Variants in GALNT10 observed in about 807,000 individuals in gnomAD.
GALNT10 encodes the protein polypeptide N-acetylgalactosaminyltransferase 10, also known as GalNAc transferase 10.
A neutral mutation model predicts 75.0 loss-of-function variants in GALNT10; 41 were observed. The ratio of observed to expected loss-of-function variants is 0.55; its 90% confidence interval spans 0.43 to 0.71. GALNT10 has a LOEUF of 0.71. Ranked by LOEUF, GALNT10 falls within the 30% of genes least tolerant of loss-of-function variation. The probability of loss-of-function intolerance (pLI) is 0.00; values close to 1 mark genes in which losing one functional copy is unlikely to be tolerated. For synonymous variants in GALNT10, 302 were observed against 313.0 expected, an observed-to-expected ratio of 0.96 and a Z score of 0.37; for missense variants, 727 against 818.5, an observed-to-expected ratio of 0.89 and a Z score of 1.36.
chr5:154,262,725 C>A (rs1179464351), intron 1 of GALNT10, among the ~76,000 whole-genome samples: 1 of 152,170 alleles, frequency 6.6e-6, no homozygotes, highest in South Asian at 2.1e-4. Context: ...TCCCTGGAGG[C>A]TGCACCCTCA....
chr5:154,417,053 T>G lies in GALNT10; in HGVS notation c.*81T>G. ...TCTTTCAAGGGAGGCAGGGCCCCTG[T>G]GGGCACTAGGTGTAAAAGGTGCTGG... is the stretch of plus-strand genomic sequence containing the variant. On this transcript the variant is annotated 3_prime_UTR_variant, in exon 12 of 12. Coordinates refer to ENST00000297107, the MANE Select transcript of GALNT10 (RefSeq NM_198321.4). The G allele has an allele frequency of 7.6e-7, 1 of 1,314,210 alleles. No homozygotes were observed. Among genetic ancestry groups the G allele is most frequent in the Non-Finnish European group, 1.1e-6 (1 of 922,808 alleles). 81.4% of individuals were successfully genotyped at this position (1,314,210 alleles called of 1,614,324 possible). A position where few individuals can be genotyped will look rare whatever the true frequency, so the allele number is the denominator to read the frequency against.
intron 3 of GALNT10, among the ~76,000 whole-genome samples, chr5:154,323,472 G>A (rs1193305679): frequency 1.3e-5 from 2 of 152,192 alleles, no homozygotes; most frequent in East Asian, 1.9e-4. Flanking sequence ...TCCCTGGGAC[G>A]GAGTATCAGG....
intron 1 of GALNT10, among the ~76,000 whole-genome samples, chr5:154,235,672 T>G (rs1345460383): frequency 3.3e-5 from 5 of 152,220 alleles, no homozygotes; most frequent in Non-Finnish European, 7.3e-5. Flanking sequence ...ATTTAATCAC[T>G]TTGATCCTCA....
At chr5:154,251,723 C>A (rs958715365) in intron 1 of GALNT10, among the ~76,000 whole-genome samples, 20 of 152,008 alleles carry the variant, frequency 1.3e-4, no homozygotes, top group African/African-American at 4.3e-4. Flanking sequence ...TATTCCAGAT[C>A]CATCTGGCAC....
intron 10 of GALNT10, among the ~76,000 whole-genome samples, chr5:154,413,365 A>G (rs150652575): frequency 6.6e-6 from 1 of 152,310 alleles, no homozygotes; most frequent in East Asian, 1.9e-4. Flanking sequence ...CTTCCTATAT[A>G]GTAGCAGATG....
chr5:154,350,085 T>G (rs1267837539), intron 4 of GALNT10, among the ~76,000 whole-genome samples: 1 of 152,202 alleles, frequency 6.6e-6, no homozygotes, highest in Non-Finnish European at 1.5e-5. Context: ...TAGAGACAAG[T>G]GTGGAACACA....
intron 7 of GALNT10, among the ~76,000 whole-genome samples, chr5:154,397,607 G>A (rs1432944409): frequency 2.6e-5 from 4 of 152,190 alleles, no homozygotes; most frequent in African/African-American, 9.7e-5. Flanking sequence ...GCTACCCTAT[G>A]TGCCTCCTAA....
At chr5:154,290,603 G>A (rs571214253) in intron 1 of GALNT10, among the ~76,000 whole-genome samples, 81 of 152,236 alleles carry the variant, frequency 5.3e-4, no homozygotes, top group Non-Finnish European at 1.0e-3. Context: ...TTAGGAGAGC[G>A]CTCAGGCTAT....
chr5:154,376,227 A>G lies in GALNT10; in HGVS notation c.569-50A>G. 4 of 1,217,320 alleles carry G rather than the reference A, an allele frequency of 3.3e-6. No homozygotes were observed. Among genetic ancestry groups the G allele is most frequent in the Non-Finnish European group, 4.8e-6 (4 of 831,296 alleles). 75.4% of individuals were successfully genotyped at this position (1,217,320 alleles called of 1,614,324 possible). ...CACATGTAAGGGAGGAGTCATAAGG[A>G]TGACTACTAAGCAACTGTTCTCACT... On this transcript the variant is annotated intron_variant, in intron 4 of 11. Transcript: ENST00000297107. This position sits in a 1 kb window ranked among gnomAD's most constrained non-coding sequence, Gnocchi z 4.1.
At chr5:154,226,355 C>T (rs929978868) in intron 1 of GALNT10, among the ~76,000 whole-genome samples, 5 of 152,134 alleles carry the variant, frequency 3.3e-5, no homozygotes, top group African/African-American at 2.4e-5. Flanking sequence ...ATTCCTTCTG[C>T]CTGAAGCTTA....
intron 1 of GALNT10, among the ~76,000 whole-genome samples, chr5:154,264,959 G>C (rs1317572898): frequency 6.6e-6 from 1 of 152,128 alleles, no homozygotes; most frequent in Non-Finnish European, 1.5e-5. Flanking sequence ...TAGCCAATGG[G>C]AACACCAGTC....
chr5:154,302,617 TTATCCATGGATATCCAGGA>T, intron 3 of GALNT10, among the ~76,000 whole-genome samples: 1 of 152,314 alleles, frequency 6.6e-6, no homozygotes, highest in South Asian at 2.1e-4. Context: ...TATGCAAAGA[TTATCCATGGATATCCAGGA>T]TATCCAGAGA....
intron 3 of GALNT10, among the ~76,000 whole-genome samples, chr5:154,319,731 G>A (rs141105251): frequency 1.8e-4 from 27 of 152,372 alleles, no homozygotes; most frequent in Non-Finnish European, 3.2e-4. Context: ...CTGAGGACAT[G>A]TGGACAAAAG....
chr5:154,232,802 C>T (rs1753170862), intron 1 of GALNT10, among the ~76,000 whole-genome samples: 1 of 152,164 alleles, frequency 6.6e-6, no homozygotes, highest in Non-Finnish European at 1.5e-5. Flanking sequence ...GTAGCTACAA[C>T]TTGTTTTCAT....
chr5:154,230,263 T>C (rs1282053352), intron 1 of GALNT10, among the ~76,000 whole-genome samples: 1 of 152,192 alleles, frequency 6.6e-6, no homozygotes, highest in Non-Finnish European at 1.5e-5. Context: ...TTCAGTCCAG[T>C]TGACTATCAA....
intron 1 of GALNT10, among the ~76,000 whole-genome samples, chr5:154,201,403 G>GA (rs112354853): frequency 0.12 from 17,401 of 150,770 alleles, 1,145 homozygotes; most frequent in Non-Finnish European, 0.14. Context: ...ACTTTTCAGA[G>GA]AAAAAAAAAT....
chr5:154,203,743 T>C (rs4958709), intron 1 of GALNT10, among the ~76,000 whole-genome samples: 67,206 of 152,062 alleles, frequency 0.44, 15,743 homozygotes, highest in East Asian at 0.78. Flanking sequence ...AGCAGGACAC[T>C]CCCTTGGATG....
intron 4 of GALNT10, among the ~76,000 whole-genome samples, chr5:154,365,833 C>CCATTAA (rs1315256541): frequency 6.6e-6 from 1 of 152,140 alleles, no homozygotes; most frequent in Non-Finnish European, 1.5e-5. Context: ...TGGAACATGT[C>CCATTAA]CATTAGCATT....
chr5:154,191,566 G>C (rs1047000222), intron 1 of GALNT10, among the ~76,000 whole-genome samples: 3 of 150,346 alleles, frequency 2.0e-5, no homozygotes, highest in Non-Finnish European at 4.4e-5. Context: ...CAACACCCCC[G>C]CCCCAACTCT....
Sources: allele counts gnomAD v4.1 joint callset (sites outside exome capture counted in the v4.1 genomes callset), GRCh38; gene constraint gnomAD v4.1.1; non-coding constraint Gnocchi (gnomAD v3.1); transcripts MANE v1.5; gene names NCBI Gene and HGNC (gene_info 2026-07-23, HGNC 2026-07-21).